TES: variants seen among roughly 807,000 people sequenced by gnomAD.
The protein encoded by TES is testin LIM domain protein.
TES carries 41 observed loss-of-function variants against 48.2 expected under a neutral mutation model. The observed-to-expected ratio is 0.85, with a 90% CI of 0.66 to 1.10. The LOEUF is 1.10. TES is among the 50% of genes least tolerant of loss of function. The probability of loss-of-function intolerance (pLI) is 0.00; values close to 1 mark genes in which losing one functional copy is unlikely to be tolerated. For missense variants in TES, 463 were observed against 515.1 expected (o/e 0.90, Z 0.98); for synonymous variants, 162 against 174.9 (o/e 0.93, Z 0.58).
At chr7:116,210,913 G>C (rs1799429501) in intron 1 of TES, 179 bp downstream of exon 1, 1 of 430,266 alleles carries the variant, frequency 2.3e-6, no homozygotes, top group Non-Finnish European at 3.8e-6. Flanking sequence ...GTGCTCGGCG[G>C]CCCCGCCAGC....
At chr7:116,247,042 T>A (rs1338858985) in intron 2 of TES, among the ~76,000 whole-genome samples, 2 of 151,094 alleles carry the variant, frequency 1.3e-5, no homozygotes, top group Non-Finnish European at 2.9e-5. Context: ...TGAATGAATG[T>A]CTGTGTGCCA....
intron 2 of TES, among the ~76,000 whole-genome samples, chr7:116,238,545 C>T (rs1298258622): frequency 2.6e-5 from 4 of 151,712 alleles, no homozygotes; most frequent in African/African-American, 4.8e-5. Flanking sequence ...TTACTACAAA[C>T]TTTGCAAGTT....
In TES at chr7:116,210,701, C is replaced by A; in HGVS notation, c.-7C>A. 1 of 1,274,956 alleles carries A rather than the reference C, an allele frequency of 7.8e-7. No individual in the cohort carries two copies. Among genetic ancestry groups the A allele is most frequent in the Non-Finnish European group, 1.0e-6 (1 of 1,000,154 alleles). The allele number at this position is 1,274,956 out of a possible 1,614,324, so 79.0% of individuals were successfully genotyped here. A position where few individuals can be genotyped will look rare whatever the true frequency, so the allele number is the denominator to read the frequency against. On this transcript the variant is annotated 5_prime_UTR_variant, in exon 1 of 7. Coordinates refer to ENST00000358204, the MANE Select transcript of TES (RefSeq NM_015641.4). ...GGAGGAGGAGGGGACCCATAGGACG[C>A]GTTAACATGGACCTGGAAAACAAAG...
chr7:116,233,815 TGCTTCCAAGATG>T (rs1444490547), intron 1 of TES, among the ~76,000 whole-genome samples: 2 of 152,328 alleles, frequency 1.3e-5, no homozygotes, highest in African/African-American at 4.8e-5. Context: ...GCTTGCTTTC[TGCTTCCAAGATG>T]GCACCTTGTT....
chr7:116,245,093 C>T (rs1330427485), intron 2 of TES, among the ~76,000 whole-genome samples: 2 of 152,190 alleles, frequency 1.3e-5, no homozygotes, highest in Non-Finnish European at 2.9e-5. Context: ...GTGAAGCTCT[C>T]TGACATGCCC....
intron 1 of TES, chr7:116,222,728 GC>G (rs1413556845): frequency 2.6e-5 from 4 of 152,340 alleles, no homozygotes. Context: ...AGGAATGGTT[GC>G]CATGATCCAG....
intron 2 of TES, among the ~76,000 whole-genome samples, chr7:116,247,931 T>A (rs1403805722): frequency 6.6e-6 from 1 of 152,180 alleles, no homozygotes; most frequent in African/African-American, 2.4e-5. Context: ...GTGACCATAG[T>A]ACCTGAGAGT....
At chr7:116,256,545 A>G (rs749753103) in intron 6 of TES, among the ~76,000 whole-genome samples, 9 of 152,186 alleles carry the variant, frequency 5.9e-5, no homozygotes, top group Non-Finnish European at 8.8e-5. Context: ...TAGGTTATTT[A>G]TTCATTTTCC....
chr7:116,248,970 A>T, intron 2 of TES, 50 bp from the exon 3 acceptor site: 1 of 1,486,800 alleles, frequency 6.7e-7, no homozygotes, highest in Non-Finnish European at 9.0e-7. Context: ...ATGAACATAA[A>T]TATCAATTAG....
chr7:116,257,603 T>G lies in TES; in HGVS notation c.*121T>G, dbSNP rs1563017555. The stretch of plus-strand genomic sequence containing the variant: ...GAAACTGTAAAGGAAACCAAGAGAT[T>G]TTGTTTAATTTTTTTGGCCATTTTT... On this transcript the variant is annotated 3_prime_UTR_variant, in exon 7 of 7. Transcript: ENST00000358204. The G allele has an allele frequency of 7.9e-6, 8 of 1,009,090 alleles. No homozygotes were observed. In the South Asian group the frequency reaches 2.0e-4, roughly 25 times the overall value. The allele number at this position is 1,009,090 out of a possible 1,614,324, so 62.5% of individuals were successfully genotyped here.
chr7:116,256,974 A>G (rs1403108041), intron 6 of TES, among the ~76,000 whole-genome samples: 2 of 152,230 alleles, frequency 1.3e-5, no homozygotes, highest in Non-Finnish European at 2.9e-5. Flanking sequence ...CAAATGTGCA[A>G]TCTAATAAAA....
intron 6 of TES, among the ~76,000 whole-genome samples, chr7:116,256,983 AAT>A (rs1353976633): frequency 4.6e-5 from 7 of 152,230 alleles, no homozygotes. Flanking sequence ...AATCTAATAA[AAT>A]ACATCAGAAC....
chr7:116,254,876 T>C (rs1800074130), intron 6 of TES, among the ~76,000 whole-genome samples: 1 of 151,856 alleles, frequency 6.6e-6, no homozygotes, highest in Non-Finnish European at 1.5e-5. Context: ...AGCATACATA[T>C]CCATTGCCAG....
rs759782580 is a variant in TES, at chr7:116,251,962, C to A, written c.905C>A (p.Ala302Asp). 1.9e-6 allele frequency: 3 copies of A among 1,614,044 alleles called. No individual in the cohort carries two copies. The Admixed American group carries it at 5.0e-5, about 27-fold the overall frequency. Residue 302 changes from alanine to aspartate, a missense_variant, in exon 5 of 7, where the codon GCT becomes GAT. Physicochemically the swap from Ala to Asp is moderately radical, Grantham distance 126. Coordinates refer to ENST00000358204, the MANE Select transcript of TES (RefSeq NM_015641.4). ...TGTGACAGCGAGAAACCCCGATGTG[C>A]TGGCTGTGACGAGGTATGTTCTATG... ...HYCDSEKPRCAGCDELIFSNE... is the reference protein window; with the variant it reads ...HYCDSEKPRCDGCDELIFSNE...
intron 1 of TES, among the ~76,000 whole-genome samples, chr7:116,215,562 A>G (rs1584607947): frequency 6.6e-6 from 1 of 152,178 alleles, no homozygotes; most frequent in Non-Finnish European, 1.5e-5. Flanking sequence ...ATAAACTCCA[A>G]TAATATTCTG....
At chr7:116,213,091 C>G (rs886524270) in intron 1 of TES, among the ~76,000 whole-genome samples, 10 of 152,170 alleles carry the variant, frequency 6.6e-5, no homozygotes, top group African/African-American at 2.4e-4. Flanking sequence ...TTGGAAATCT[C>G]AGGAATGTAT....
intron 1 of TES, among the ~76,000 whole-genome samples, chr7:116,221,947 A>G (rs1333019566): frequency 6.6e-6 from 1 of 152,222 alleles, no homozygotes; most frequent in Non-Finnish European, 1.5e-5. Flanking sequence ...CTTTAGTGGT[A>G]TAGTCTAAAT....
intron 1 of TES, among the ~76,000 whole-genome samples, chr7:116,216,962 CTATA>C (rs776483063): frequency 7.9e-5 from 12 of 151,906 alleles, no homozygotes; most frequent in East Asian, 7.7e-4. Context: ...TAAAAAAAAA[CTATA>C]TGAGTGCTTT....
chr7:116,249,505 G>A (rs1468491495), intron 3 of TES: 2 of 466,810 alleles, frequency 4.3e-6, no homozygotes, highest in South Asian at 3.9e-5. Context: ...ATGGTCTAAC[G>A]TTCTTAATAA....
Sources: allele counts gnomAD v4.1 joint callset (sites outside exome capture counted in the v4.1 genomes callset), GRCh38; gene constraint gnomAD v4.1.1; transcripts MANE v1.5; gene names NCBI Gene and HGNC (gene_info 2026-07-23, HGNC 2026-07-21).